GNE: variants seen among roughly 807,000 people sequenced by gnomAD.
GNE encodes the protein glucosamine (UDP-N-acetyl)-2-epimerase/N-acetylmannosamine kinase.
GNE carries 41 observed loss-of-function variants against 61.8 expected under a neutral mutation model. The ratio of observed to expected loss-of-function variants is 0.66; its 90% confidence interval spans 0.52 to 0.86. The LOEUF is 0.86. GNE is among the 40% of genes least tolerant of loss of function. The pLI, the probability that GNE is intolerant of heterozygous loss-of-function variation, is 0.00. For synonymous variants in GNE, 264 were observed against 326.4 expected, an observed-to-expected ratio of 0.81 and a Z score of 2.06; for missense variants, 608 against 909.1, an observed-to-expected ratio of 0.67 and a Z score of 4.26.
chr9:36,270,678 C>T (rs997889158), intron 1 of GNE, among the ~76,000 whole-genome samples: 5 of 152,096 alleles, frequency 3.3e-5, no homozygotes, highest in Admixed American at 6.6e-5. Flanking sequence ...CCACCGCGCC[C>T]GGCTAATGTT....
chr9:36,220,712 C>T (rs2133009986), intron 9 of GNE, among the ~76,000 whole-genome samples: 1 of 152,308 alleles, frequency 6.6e-6, no homozygotes, highest in Middle Eastern at 3.4e-3. Context: ...TACCTGCTTC[C>T]TGAAGCAGAA....
Position 36,218,120 on chromosome 9 carries a change from G to T in GNE, c.1933+63C>A. On this transcript the variant is annotated intron_variant, in intron 11 of 11. Transcript: ENST00000642385. The surrounding 1 kb of genome is among the most constrained non-coding windows in gnomAD (Gnocchi z 4.1). ...GAAGCAGGGTCTCTTCTGGGGCCGGGCTGGGCCATATGATATCTGAGGCCA... is the reference window on the plus strand; with the variant it reads ...GAAGCAGGGTCTCTTCTGGGGCCGGTCTGGGCCATATGATATCTGAGGCCA... 1 of 1,079,958 alleles carries T rather than the reference G, an allele frequency of 9.3e-7. No individual in the cohort carries two copies. Among genetic ancestry groups the T allele is most frequent in the Non-Finnish European group, 1.4e-6 (1 of 692,574 alleles). The allele number at this position is 1,079,958 out of a possible 1,614,324, so 66.9% of individuals were successfully genotyped here.
Position 36,223,439 on chromosome 9 carries a change from T to C in GNE, c.1345A>G (p.Ile449Val), listed in dbSNP as rs377660887. Reference protein sequence around the residue: ...PKTYEERINLILQMCVEAAAE... With the variant: ...PKTYEERINLVLQMCVEAAAE... ...GCAGCTTCCACACACATCTGTAGGA[T>C]TAAATTAATCCTCTCTTCATAGGTT... is the stretch of plus-strand genomic sequence containing the variant. Residue 449 changes from isoleucine to valine, a missense_variant, in exon 8 of 12, where the codon ATC becomes GTC. Physicochemically the swap from Ile to Val is conservative, Grantham distance 29. Transcript: ENST00000642385. The C allele has an allele frequency of 1.9e-6, 3 of 1,611,702 alleles. No individual in the cohort carries two copies. The African/African-American group carries it at 4.0e-5, about 22-fold the overall frequency.
At chr9:36,267,204 T>C (rs1385899399) in intron 1 of GNE, among the ~76,000 whole-genome samples, 1 of 152,252 alleles carries the variant, frequency 6.6e-6, no homozygotes, top group Non-Finnish European at 1.5e-5. Context: ...ATAATCTTTT[T>C]GAAATTTATA....
At chr9:36,268,852 G>A (rs117627601) in intron 1 of GNE, among the ~76,000 whole-genome samples, 1 of 152,144 alleles carries the variant, frequency 6.6e-6, no homozygotes, top group Non-Finnish European at 1.5e-5. Context: ...CCCACAGGCC[G>A]GGCGTGGTGG....
chr9:36,274,869 C>T (rs1437183725), intron 1 of GNE, among the ~76,000 whole-genome samples: 1 of 152,148 alleles, frequency 6.6e-6, no homozygotes, highest in Non-Finnish European at 1.5e-5. Context: ...ACTACAGGCA[C>T]CCGCCATCAT....
intron 3 of GNE, among the ~76,000 whole-genome samples, chr9:36,237,455 G>T (rs894492640): frequency 1.3e-5 from 2 of 152,128 alleles, no homozygotes; most frequent in Admixed American, 1.3e-4. Flanking sequence ...TCAACAAGTG[G>T]CAAGTGTTTC....
intron 3 of GNE, among the ~76,000 whole-genome samples, chr9:36,241,471 A>ACCAGGGAC (rs567868453): frequency 2.2e-3 from 334 of 152,310 alleles, no homozygotes; most frequent in Non-Finnish European, 3.9e-3. Flanking sequence ...GTCTTTTTAG[A>ACCAGGGAC]CCAGGGAAAA....
intron 10 of GNE, among the ~76,000 whole-genome samples, chr9:36,219,564 T>C (rs1828490812): frequency 6.6e-6 from 1 of 152,226 alleles, no homozygotes; most frequent in African/African-American, 2.4e-5. Flanking sequence ...GTACCCTCCC[T>C]GTGATACTGG....
chr9:36,217,680 A>T, intron 11 of GNE, 80 bp from the exon 12 acceptor site: 2 of 855,010 alleles, frequency 2.3e-6, no homozygotes, highest in Non-Finnish European at 3.9e-6. Context: ...GAAAAGAGCC[A>T]GCAGCAGAAA....
Position 36,236,986 on chromosome 9 carries a change from T to C in GNE, c.617-2A>G, listed in dbSNP as rs1554661582. On this transcript the variant is annotated splice_acceptor_variant, in intron 3 of 11. Transcript: ENST00000642385. LOFTEE classifies it high-confidence loss of function. ...AATCTTTAGATTTTACATCATCACC[T>C]GTTTAAAGAAAATCAAACCACATTG... is the stretch of plus-strand genomic sequence containing the variant. 6.2e-7 allele frequency: 1 copy of C among 1,608,264 alleles called. No homozygotes were observed. The highest frequency in any genetic ancestry group is 8.5e-7 in the Non-Finnish European group (1 of 1,175,008).
At chr9:36,223,674 C>T (rs1271684536) in intron 7 of GNE, among the ~76,000 whole-genome samples, 172 bp from the exon 8 acceptor site, 3 of 152,068 alleles carry the variant, frequency 2.0e-5, no homozygotes, top group Non-Finnish European at 2.9e-5. Flanking sequence ...CTGGGGTAAG[C>T]TCAAGTAGTT....
rs546960177 is a variant in GNE, at chr9:36,218,080, G to C, written c.1933+103C>G. 1.2e-6 allele frequency: 1 copy of C among 813,094 alleles called. No homozygotes were observed. Among genetic ancestry groups the C allele is most frequent in the South Asian group, 1.3e-5 (1 of 74,574 alleles). The allele number at this position is 813,094 out of a possible 1,614,324, so 50.4% of individuals were successfully genotyped here. ...GAAACCTCTGAACAGACACTGCAAA[G>C]CACCTGTCCCTAGGGAAGCAGGGTC... On this transcript the variant is annotated intron_variant, in intron 11 of 11. Coordinates refer to ENST00000642385, the MANE Select transcript of GNE (RefSeq NM_005476.7). This position sits in a 1 kb window ranked among gnomAD's most constrained non-coding sequence, Gnocchi z 4.1.
At chr9:36,268,436 C>T (rs569715631) in intron 1 of GNE, among the ~76,000 whole-genome samples, 7 of 152,014 alleles carry the variant, frequency 4.6e-5, no homozygotes, top group South Asian at 2.1e-4. Flanking sequence ...GAGGCTGAGT[C>T]GGGTGGATTG....
chr9:36,218,415 T>C lies in GNE; in HGVS notation c.1817-116A>G, dbSNP rs1451536916. 4.0e-6 allele frequency: 3 copies of C among 750,972 alleles called. 1 individual carries two copies. The highest frequency in any genetic ancestry group is 4.8e-4 in the Middle Eastern group (2 of 4,130). The allele number at this position is 750,972 out of a possible 1,614,324, so 46.5% of individuals were successfully genotyped here. ...GGAAGACGGTGTTTTCTTTTCACAA[T>C]TGCAAAGCTTATCGTTCACAAACAT... On this transcript the variant is annotated intron_variant, in intron 10 of 11. Transcript: ENST00000642385. The surrounding 1 kb of genome is among the most constrained non-coding windows in gnomAD (Gnocchi z 4.1).
chr9:36,237,972 C>T (rs1305801907), intron 3 of GNE, among the ~76,000 whole-genome samples: 1 of 152,112 alleles, frequency 6.6e-6, no homozygotes, highest in Non-Finnish European at 1.5e-5. Flanking sequence ...TCATCTAGGT[C>T]ACTGCAAATG....
intron 9 of GNE, among the ~76,000 whole-genome samples, chr9:36,221,494 AAAAT>A (rs1299182554): frequency 1.3e-5 from 2 of 152,184 alleles, no homozygotes; most frequent in Admixed American, 6.6e-5. Flanking sequence ...CAACAAAAAT[AAAAT>A]AGAGTAAAAA....
At chr9:36,257,777 TG>T (rs1830431115) in intron 1 of GNE, among the ~76,000 whole-genome samples, 1 of 108,150 alleles carries the variant, frequency 9.2e-6, no homozygotes, top group Non-Finnish European at 1.7e-5. Context: ...CACTCCAGCC[TG>T]GGCGACAGAG....
chr9:36,265,439 A>G (rs1360683548), intron 1 of GNE: 1 of 456,704 alleles, frequency 2.2e-6, no homozygotes, highest in Admixed American at 2.3e-5. Flanking sequence ...AAGGGAGTCA[A>G]GGATGTTGCC....
Sources: gnomAD v4.1 joint callset for allele counts (sites outside exome capture counted in the v4.1 genomes callset) on GRCh38, gnomAD v4.1.1 for gene constraint, Gnocchi (gnomAD v3.1) non-coding constraint, MANE v1.5 for transcripts, NCBI Gene and HGNC (gene_info 2026-07-23, HGNC 2026-07-21) for gene names.